Variants in MALRD1 observed in about 807,000 individuals in gnomAD.
MALRD1 encodes the protein MAM and LDL receptor class A domain containing 1.
In MALRD1, 247 loss-of-function variants were observed where a neutral mutation model predicts 242.1. The ratio of observed to expected loss-of-function variants is 1.02; its 90% CI spans 0.92 to 1.13. The LOEUF (loss-of-function observed/expected upper bound fraction) is 1.13. Among genes scored for constraint, MALRD1 ranks in the 50% most tolerant of loss-of-function variants. The pLI is 0.00. For missense variants in MALRD1, 2,989 were observed against 2,533.1 expected, an observed-to-expected ratio of 1.18 and a Z score of -3.86; for synonymous variants, 995 against 866.6, an observed-to-expected ratio of 1.15 and a Z score of -2.60.
chr10:19,115,691 C>G (rs1178478770), intron 5 of MALRD1, among the ~76,000 whole-genome samples: 1 of 151,952 alleles, frequency 6.6e-6, no homozygotes, highest in African/African-American at 2.4e-5. Flanking sequence ...ACCTGGGCAA[C>G]ATGGTGAAAC....
At chr10:19,442,871 T>C (rs1293129443) in intron 28 of MALRD1, among the ~76,000 whole-genome samples, 2 of 152,182 alleles carry the variant, frequency 1.3e-5, no homozygotes, top group Non-Finnish European at 2.9e-5. Context: ...TCTCTCTTGA[T>C]TGGAATAGTT....
At chr10:19,087,273 G>C (rs1835700283) in intron 2 of MALRD1, among the ~76,000 whole-genome samples, 1 of 151,970 alleles carries the variant, frequency 6.6e-6, no homozygotes, top group Non-Finnish European at 1.5e-5. Flanking sequence ...ATCTTTGCAG[G>C]GATGTACCTT....
chr10:19,641,422 C>A (rs1840380097), intron 36 of MALRD1, among the ~76,000 whole-genome samples: 1 of 152,080 alleles, frequency 6.6e-6, no homozygotes, highest in Non-Finnish European at 1.5e-5. Context: ...GTGGGTAATA[C>A]TTTATTTTAA....
intron 28 of MALRD1, among the ~76,000 whole-genome samples, chr10:19,449,822 C>A (rs1186350252): frequency 6.6e-6 from 1 of 152,038 alleles, no homozygotes; most frequent in Non-Finnish European, 1.5e-5. Flanking sequence ...TGCACACGTA[C>A]CCCTGAACCT....
intron 28 of MALRD1, among the ~76,000 whole-genome samples, chr10:19,399,046 A>T (rs1028476046): frequency 6.6e-6 from 1 of 152,190 alleles, no homozygotes; most frequent in Non-Finnish European, 1.5e-5. Context: ...TGTCATAAGT[A>T]GTCATAGACA....
intron 21 of MALRD1, among the ~76,000 whole-genome samples, chr10:19,314,259 A>T (rs1190751410): frequency 6.6e-6 from 1 of 151,658 alleles, no homozygotes; most frequent in East Asian, 1.9e-4. Flanking sequence ...CATTGAAAAA[A>T]TTACATGGAA....
At chr10:19,407,981 G>A in intron 28 of MALRD1, among the ~76,000 whole-genome samples, 1 of 152,088 alleles carries the variant, frequency 6.6e-6, no homozygotes, top group Non-Finnish European at 1.5e-5. Flanking sequence ...ATTCAGTCTA[G>A]GTTCCCTTGC....
chr10:19,670,062 A>T (rs1374092558), intron 36 of MALRD1, among the ~76,000 whole-genome samples: 2 of 132,966 alleles, frequency 1.5e-5, no homozygotes, highest in Non-Finnish European at 3.1e-5. Flanking sequence ...CTTCCCTCGC[A>T]CGTGCACACA....
chr10:19,231,185 C>T lies in MALRD1; in HGVS notation c.2991+21505C>T, dbSNP rs141822003. On this transcript the variant is annotated intron_variant, in intron 18 of 39. Transcript: ENST00000454679. ...AGGTATTAAAACTCCATACTCCTGC[C>T]TCAATTTAGGCCAACTCTGAAGGGT... 1.3e-3 allele frequency among the ~76,000 whole-genome samples: 198 copies of T among 152,302 alleles called. 2 individuals are homozygous for T. The highest frequency in any genetic ancestry group is 1.5e-3 in the Non-Finnish European group (104 of 68,030).
chr10:19,166,627 C>G lies in MALRD1; in HGVS notation c.1830+817C>G, dbSNP rs532630385. Among the ~76,000 whole-genome samples the G allele has an allele frequency of 1.2e-4, 19 of 152,072 alleles. No homozygotes were observed. The East Asian group carries it at 3.7e-3, about 29-fold the overall frequency. On this transcript the variant is annotated intron_variant, in intron 13 of 39. Transcript: ENST00000454679. ...AGAAGTGTGTGAGGAGATGGTATCCCAATTACCTTTATTTGATAGTGACAC... is the reference window on the plus strand; with the variant it reads ...AGAAGTGTGTGAGGAGATGGTATCCGAATTACCTTTATTTGATAGTGACAC...
intron 34 of MALRD1, among the ~76,000 whole-genome samples, chr10:19,600,013 T>C (rs1838279587): frequency 6.6e-6 from 1 of 152,094 alleles, no homozygotes. Flanking sequence ...ACATGGAAAC[T>C]ATCCATCAGT....
chr10:19,660,602 T>C (rs1841383965), intron 36 of MALRD1, among the ~76,000 whole-genome samples: 1 of 152,184 alleles, frequency 6.6e-6, no homozygotes, highest in Non-Finnish European at 1.5e-5. Context: ...TAGTTTTGTT[T>C]TATTTTGACT....
At chr10:19,608,917 C>G (rs1296298999) in intron 35 of MALRD1, among the ~76,000 whole-genome samples, 1 of 152,016 alleles carries the variant, frequency 6.6e-6, no homozygotes, top group African/African-American at 2.4e-5. Flanking sequence ...AGATGAGATA[C>G]CAGTATTATT....
chr10:19,187,621 C>T (rs1212952942), intron 14 of MALRD1, among the ~76,000 whole-genome samples: 1 of 152,034 alleles, frequency 6.6e-6, no homozygotes, highest in Non-Finnish European at 1.5e-5. Context: ...GCAATGGTTC[C>T]CAACACTGGC....
chr10:19,707,012 C>T (rs2131860867), intron 38 of MALRD1, among the ~76,000 whole-genome samples: 1 of 151,276 alleles, frequency 6.6e-6, no homozygotes, highest in Non-Finnish European at 1.5e-5. Context: ...CCTCCTCCTT[C>T]TTCTCTTCCT....
chr10:19,368,867 GTGTA>G (rs1395007650), intron 26 of MALRD1, among the ~76,000 whole-genome samples: 8 of 59,868 alleles, frequency 1.3e-4, no homozygotes, highest in African/African-American at 3.3e-4. Context: ...TTGGTGATTT[GTGTA>G]TGTGTGTGTG....
chr10:19,730,802 A>G (rs1357387387), intron 39 of MALRD1, 21 bp downstream of exon 39: 3 of 1,531,306 alleles, frequency 2.0e-6, no homozygotes, highest in Non-Finnish European at 2.6e-6. Context: ...AGGGTGAACT[A>G]TATCTTTTCA....
At chr10:19,413,540 T>C (rs190298964) in intron 28 of MALRD1, among the ~76,000 whole-genome samples, 9 of 149,250 alleles carry the variant, frequency 6.0e-5, no homozygotes, top group African/African-American at 2.0e-4. Flanking sequence ...AGAAATAATT[T>C]AGATTACTTC....
Position 19,211,405 on chromosome 10 carries a change from A to C in MALRD1, c.2991+1725A>C, listed in dbSNP as rs567048229. Among the ~76,000 whole-genome samples the C allele has an allele frequency of 3.9e-5, 6 of 152,098 alleles. No individual in the cohort carries two copies. The South Asian group carries it at 1.2e-3, about 32-fold the overall frequency. ...GTGTGGATTTGTCATTCTAGTGAGT[A>C]AAAAATGGGGCCTGAAAGGGGGCTC... is the stretch of plus-strand genomic sequence containing the variant. On this transcript the variant is annotated intron_variant, in intron 18 of 39. Transcript: ENST00000454679.
Sources: allele counts gnomAD v4.1 joint callset (sites outside exome capture counted in the v4.1 genomes callset), GRCh38; gene constraint gnomAD v4.1.1; transcripts MANE v1.5; gene names NCBI Gene and HGNC (gene_info 2026-07-23, HGNC 2026-07-21).